BBX: variants seen among roughly 807,000 people sequenced by gnomAD.
BBX encodes the protein HMG box transcription factor BBX.
A neutral mutation model predicts 100.2 loss-of-function variants in BBX; 30 were observed. The ratio of observed to expected loss-of-function variants is 0.30; its 90% confidence interval spans 0.22 to 0.41. The LOEUF is 0.41. BBX is among the 10% of genes least tolerant of loss of function. The pLI is 1.00. For synonymous variants in BBX, 376 were observed against 388.1 expected, an observed-to-expected ratio of 0.97 and a Z score of 0.37; for missense variants, 1,023 against 1,129.8, an observed-to-expected ratio of 0.91 and a Z score of 1.35.
At chr3:107,737,902 T>TTTTG (rs2063765400) in intron 7 of BBX, among the ~76,000 whole-genome samples, 1 of 143,036 alleles carries the variant, frequency 7.0e-6, no homozygotes, top group Non-Finnish European at 1.5e-5. Flanking sequence ...TTTTTTTTTT[T>TTTTG]TTTTTTTTTT....
intron 3 of BBX, among the ~76,000 whole-genome samples, chr3:107,657,852 GATA>G (rs1410963541): frequency 6.6e-6 from 1 of 152,104 alleles, no homozygotes. Flanking sequence ...ATTGGTGAAA[GATA>G]ATATGCCTAA....
In BBX at chr3:107,805,818, A is replaced by G. The variant is rs1250567365; in HGVS notation, c.*361A>G. On this transcript the variant is annotated 3_prime_UTR_variant, in exon 18 of 18. Coordinates refer to ENST00000325805, the MANE Select transcript of BBX (RefSeq NM_001142568.3). ...AACCAGAGAGTGTGAAACTAGTTTC[A>G]TATATTACCTAGTTATTCTTTCAAA... 2 of 276,448 alleles carry G rather than the reference A, an allele frequency of 7.2e-6. No homozygotes were observed. Among genetic ancestry groups the G allele is most frequent in the African/African-American group, 4.3e-5 (2 of 46,056 alleles). The allele number at this position is 276,448 out of a possible 1,614,324, so 17.1% of individuals were successfully genotyped here. A position where few individuals can be genotyped will look rare whatever the true frequency, so the allele number is the denominator to read the frequency against.
intron 2 of BBX, among the ~76,000 whole-genome samples, chr3:107,619,576 T>C (rs1338388244): frequency 1.3e-5 from 2 of 152,070 alleles, no homozygotes; most frequent in African/African-American, 4.8e-5. Flanking sequence ...AGGTTTTTTC[T>C]TTCACTTTTT....
chr3:107,792,561 G>T (rs927468122), intron 15 of BBX, among the ~76,000 whole-genome samples: 8 of 152,242 alleles, frequency 5.3e-5, no homozygotes, highest in African/African-American at 1.9e-4. Flanking sequence ...CAGCTTCCGT[G>T]TCATTTTACT....
At chr3:107,645,510 G>A (rs2057464612) in intron 2 of BBX, among the ~76,000 whole-genome samples, 1 of 151,836 alleles carries the variant, frequency 6.6e-6, no homozygotes, top group Non-Finnish European at 1.5e-5. Context: ...TTTTTCCAGG[G>A]GATTTGCCTG....
At chr3:107,736,320 A>G (rs2063632493) in intron 7 of BBX, among the ~76,000 whole-genome samples, 2 of 152,130 alleles carry the variant, frequency 1.3e-5, no homozygotes, top group African/African-American at 2.4e-5. Flanking sequence ...TTCTTTAATC[A>G]GTAAAATGTA....
intron 2 of BBX, among the ~76,000 whole-genome samples, chr3:107,626,906 T>A (rs1253793035): frequency 1.3e-5 from 2 of 152,066 alleles, no homozygotes; most frequent in African/African-American, 4.8e-5. Context: ...CCGCCCGTCT[T>A]GGCCTCTAGT....
rs1027952046 is a variant in BBX, at chr3:107,810,042, C to T, written c.*4585C>T. 9 of 152,110 alleles carry T rather than the reference C, an allele frequency of 5.9e-5. No individual in the cohort carries two copies. The highest frequency in any genetic ancestry group is 1.5e-5 in the Non-Finnish European group (1 of 68,010). The allele number at this position is 152,110 out of a possible 1,614,324, so 9.4% of individuals were successfully genotyped here. A position where few individuals can be genotyped will look rare whatever the true frequency, so the allele number is the denominator to read the frequency against. ...GGAAGTGATAGCTAAGTTTATTATA[C>T]TCTATATTAAACAACTTTGTTCATT... On this transcript the variant is annotated 3_prime_UTR_variant, in exon 18 of 18. Coordinates refer to ENST00000325805, the MANE Select transcript of BBX (RefSeq NM_001142568.3).
Position 107,788,697 on chromosome 3 carries a change from C to A in BBX, c.2204-1090C>A, listed in dbSNP as rs558315687. On this transcript the variant is annotated intron_variant, in intron 13 of 17. Transcript: ENST00000325805. ...GGCTGAGGTGGGAGGATTGCTTGAGCCCAGGAGGTGGAGGTTGCAGTGAGC... is the reference window on the plus strand; with the variant it reads ...GGCTGAGGTGGGAGGATTGCTTGAGACCAGGAGGTGGAGGTTGCAGTGAGC... Among the ~76,000 whole-genome samples, 548 of 152,144 alleles carry A rather than the reference C, an allele frequency of 3.6e-3. 3 individuals are homozygous for A. The highest frequency in any genetic ancestry group is 0.012 in the African/African-American group (511 of 41,512).
At chr3:107,623,673 T>C (rs2055950206) in intron 2 of BBX, among the ~76,000 whole-genome samples, 1 of 152,194 alleles carries the variant, frequency 6.6e-6, no homozygotes, top group South Asian at 2.1e-4. Context: ...TAGAAAGTTA[T>C]GAATATGAAA....
chr3:107,581,051 A>C (rs1234798047), intron 2 of BBX, among the ~76,000 whole-genome samples: 1 of 152,224 alleles, frequency 6.6e-6, no homozygotes, highest in Non-Finnish European at 1.5e-5. Flanking sequence ...GTCTGAGTGT[A>C]ATCTTTAAAT....
At chr3:107,616,548 GT>G (rs2055299921) in intron 2 of BBX, among the ~76,000 whole-genome samples, 2 of 151,948 alleles carry the variant, frequency 1.3e-5, no homozygotes, top group Admixed American at 6.6e-5. Flanking sequence ...AGCATTTTTG[GT>G]GCTATCGTTT....
chr3:107,568,375 C>A (rs1237764911), intron 2 of BBX, among the ~76,000 whole-genome samples: 1 of 151,830 alleles, frequency 6.6e-6, no homozygotes, highest in East Asian at 1.9e-4. Context: ...CGCCATTCTC[C>A]TGCCTCACCC....
Position 107,714,218 on chromosome 3 carries a change from C to T in BBX, c.163-2389C>T, listed in dbSNP as rs530053798. On this transcript the variant is annotated intron_variant, in intron 4 of 17. Transcript: ENST00000325805. The stretch of plus-strand genomic sequence containing the variant: ...CTTGAACTCCTGACCTTAGGTGATC[C>T]GCACCCCACCTTGGCCTCCCAAAGT... 9.2e-5 allele frequency among the ~76,000 whole-genome samples: 14 copies of T among 151,792 alleles called. No individual in the cohort carries two copies. In the East Asian group the frequency reaches 1.9e-3, roughly 21 times the overall value.
chr3:107,624,844 G>A (rs1415577914), intron 2 of BBX, among the ~76,000 whole-genome samples: 1 of 152,178 alleles, frequency 6.6e-6, no homozygotes, highest in Non-Finnish European at 1.5e-5. Flanking sequence ...ACTCCAGCCT[G>A]AGCAACAGAG....
intron 2 of BBX, among the ~76,000 whole-genome samples, chr3:107,612,138 T>C (rs2054889185): frequency 6.6e-6 from 1 of 152,088 alleles, no homozygotes; most frequent in African/African-American, 2.4e-5. Context: ...TTATTTTGAA[T>C]TTCTTTGAGT....
chr3:107,726,048 C>A (rs1345547554), intron 5 of BBX, among the ~76,000 whole-genome samples: 1 of 151,886 alleles, frequency 6.6e-6, no homozygotes, highest in Admixed American at 6.6e-5. Context: ...GTCTCTTAGG[C>A]CTTTTCAGTC....
intron 2 of BBX, among the ~76,000 whole-genome samples, chr3:107,567,433 A>G (rs1359500074): frequency 2.6e-5 from 4 of 152,126 alleles, no homozygotes; most frequent in Admixed American, 2.0e-4. Flanking sequence ...ATTGTTAAGT[A>G]TATAGATAAT....
intron 3 of BBX, among the ~76,000 whole-genome samples, chr3:107,694,700 C>G (rs1337663852): frequency 6.6e-6 from 1 of 151,138 alleles, no homozygotes; most frequent in Non-Finnish European, 1.5e-5. Context: ...CAGGATGATG[C>G]TGGCCTCATA....
Sources: gnomAD v4.1 joint callset for allele counts (sites outside exome capture counted in the v4.1 genomes callset) on GRCh38, gnomAD v4.1.1 for gene constraint, MANE v1.5 for transcripts, NCBI Gene and HGNC (gene_info 2026-07-23, HGNC 2026-07-21) for gene names.